The following DTNB variants were observed in gnomAD, a reference collection of about 807,000 sequenced individuals.
DTNB encodes dystrobrevin beta.
Under a neutral mutation model 90.7 loss-of-function variants are expected in DTNB, and 63 were observed. That is an observed-to-expected ratio of 0.69 (90% CI 0.57 to 0.86). The LOEUF (loss-of-function observed/expected upper bound fraction) is 0.86. Among genes scored for constraint, DTNB ranks in the 40% least tolerant of loss-of-function variants. The pLI is 0.00. For missense variants in DTNB, 744 were observed against 807.1 expected (o/e 0.92, Z 0.95); for synonymous variants, 277 against 286.7 (o/e 0.97, Z 0.34).
At chr2:25,544,332 T>G (rs1208003432) in intron 8 of DTNB, among the ~76,000 whole-genome samples, 1 of 152,234 alleles carries the variant, frequency 6.6e-6, no homozygotes, top group Admixed American at 6.5e-5. Flanking sequence ...AAACTTTTTC[T>G]TGAGCTCAGA....
intron 14 of DTNB, among the ~76,000 whole-genome samples, chr2:25,430,498 G>T (rs548912350): frequency 6.6e-6 from 1 of 151,456 alleles, no homozygotes; most frequent in Non-Finnish European, 1.5e-5. Flanking sequence ...CAACCACAGA[G>T]AACGATCCTA....
chr2:25,489,544 A>G (rs1249417484), intron 9 of DTNB, among the ~76,000 whole-genome samples: 1 of 152,186 alleles, frequency 6.6e-6, no homozygotes, highest in African/African-American at 2.4e-5. Flanking sequence ...TAAGCCAGGC[A>G]TGATGGAACC....
intron 3 of DTNB, among the ~76,000 whole-genome samples, chr2:25,634,220 T>C (rs13023097): frequency 0.25 from 14,144 of 56,670 alleles, 1,850 homozygotes; most frequent in East Asian, 0.58. Context: ...CCAGCCGCCC[T>C]GTCCGGGAGG....
chr2:25,586,254 T>C (rs373189768), intron 6 of DTNB, among the ~76,000 whole-genome samples: 8 of 152,128 alleles, frequency 5.3e-5, no homozygotes, highest in African/African-American at 1.9e-4. Flanking sequence ...CTCACACCTA[T>C]AATCCCAACA....
At chr2:25,438,237 C>T (rs1296595605) in intron 12 of DTNB, among the ~76,000 whole-genome samples, 5 of 152,132 alleles carry the variant, frequency 3.3e-5, no homozygotes, top group Admixed American at 2.0e-4. Flanking sequence ...CTGGGCCACA[C>T]TGGAAGAACT....
intron 8 of DTNB, among the ~76,000 whole-genome samples, chr2:25,565,441 C>G (rs2123825): frequency 0.67 from 101,495 of 151,822 alleles, 35,267 homozygotes; most frequent in African/African-American, 0.86. Flanking sequence ...GTAGAGATAG[C>G]GTTTCACTAT....
intron 8 of DTNB, among the ~76,000 whole-genome samples, chr2:25,569,584 C>T (rs996504909): frequency 1.3e-5 from 2 of 152,064 alleles, no homozygotes; most frequent in Admixed American, 6.6e-5. Context: ...TCCTCTCCAC[C>T]CAGATCCATA....
At chr2:25,641,614 A>ATATTG (rs1277688862) in intron 2 of DTNB, among the ~76,000 whole-genome samples, 1 of 152,066 alleles carries the variant, frequency 6.6e-6, no homozygotes, top group African/African-American at 2.4e-5. Flanking sequence ...CTTATTTGAG[A>ATATTG]TATTGGCCCA....
intron 8 of DTNB, among the ~76,000 whole-genome samples, chr2:25,557,667 T>C (rs1353167728): frequency 6.6e-6 from 1 of 152,224 alleles, no homozygotes; most frequent in East Asian, 1.9e-4. Context: ...TGGGACTTTG[T>C]ATATTTAACA....
At chr2:25,504,787 C>T (rs1447760505) in intron 9 of DTNB, among the ~76,000 whole-genome samples, 1 of 152,104 alleles carries the variant, frequency 6.6e-6, no homozygotes, top group Admixed American at 6.5e-5. Context: ...GCAATATTCC[C>T]CAAATAGATC....
chr2:25,452,797 T>C (rs544225633), intron 11 of DTNB, among the ~76,000 whole-genome samples: 1 of 152,206 alleles, frequency 6.6e-6, no homozygotes, highest in African/African-American at 2.4e-5. Context: ...AACTTAGTCT[T>C]TCTTCTGGGA....
At chr2:25,640,555 C>A (rs894728318) in intron 2 of DTNB, among the ~76,000 whole-genome samples, 1 of 151,944 alleles carries the variant, frequency 6.6e-6, no homozygotes, top group Admixed American at 6.6e-5. Flanking sequence ...ATATTTATCC[C>A]TCTCTCTCTC....
intron 3 of DTNB, among the ~76,000 whole-genome samples, chr2:25,634,617 G>C (rs868583058): frequency 0.014 from 1,489 of 102,818 alleles, 7 homozygotes; most frequent in East Asian, 0.021. Flanking sequence ...AATAGAAAGG[G>C]GGGAAAGGTG....
At chr2:25,549,370 T>A (rs1320060100) in intron 8 of DTNB, among the ~76,000 whole-genome samples, 1 of 152,084 alleles carries the variant, frequency 6.6e-6, no homozygotes, top group Admixed American at 6.5e-5. Flanking sequence ...GCTACTGTTA[T>A]CTTATAATAG....
chr2:25,463,375 G>C (rs529296628), intron 10 of DTNB, among the ~76,000 whole-genome samples: 2 of 152,136 alleles, frequency 1.3e-5, no homozygotes, highest in African/African-American at 4.8e-5. Flanking sequence ...GACTTCTCCT[G>C]AGCAACTTCT....
At chr2:25,514,956 T>C (rs1167740569) in intron 9 of DTNB, among the ~76,000 whole-genome samples, 1 of 152,144 alleles carries the variant, frequency 6.6e-6, no homozygotes, top group Non-Finnish European at 1.5e-5. Context: ...GTGCTGGGAT[T>C]ACAGGCGTGA....
intron 16 of DTNB, among the ~76,000 whole-genome samples, chr2:25,409,007 T>C (rs1276147020): frequency 1.3e-5 from 2 of 152,144 alleles, no homozygotes; most frequent in Non-Finnish European, 2.9e-5. Context: ...GCTGGAGACA[T>C]GGCCAAGAAT....
intron 16 of DTNB, among the ~76,000 whole-genome samples, chr2:25,416,783 T>TGGAAGGAAGGAAGGAA (rs879624056): frequency 1.0e-4 from 12 of 117,940 alleles, no homozygotes; most frequent in East Asian, 3.3e-4. Context: ...AGCCAGAACC[T>TGGAAGGAAGGAAGGAA]GGAAGGAAGG....
At chr2:25,428,868 G>A (rs1367284971) in intron 14 of DTNB, among the ~76,000 whole-genome samples, 2 of 152,042 alleles carry the variant, frequency 1.3e-5, no homozygotes, top group African/African-American at 4.8e-5. Context: ...TTCTAAAAGG[G>A]GACTAGTAAC....
Sources: allele counts gnomAD v4.1 joint callset (sites outside exome capture counted in the v4.1 genomes callset), GRCh38; gene constraint gnomAD v4.1.1; transcripts MANE v1.5; gene names NCBI Gene and HGNC (gene_info 2026-07-23, HGNC 2026-07-21).